The following ICA1 variants were observed in gnomAD, a reference collection of about 807,000 sequenced individuals.
The protein encoded by ICA1 is islet cell autoantigen 1, also known as 69 kDa islet cell autoantigen.
In ICA1, 40 loss-of-function variants were observed where a neutral mutation model predicts 71.0. The ratio of observed to expected loss-of-function variants is 0.56; its 90% CI spans 0.44 to 0.73. ICA1 has a LOEUF of 0.73. Ranked by LOEUF, ICA1 falls within the 30% of genes least tolerant of loss-of-function variation. The probability of loss-of-function intolerance (pLI) is 0.00; values close to 1 mark genes in which losing one functional copy is unlikely to be tolerated. For synonymous variants in ICA1, 207 were observed against 209.5 expected, an observed-to-expected ratio of 0.99 and a Z score of 0.10; for missense variants, 578 against 576.5, an observed-to-expected ratio of 1.00 and a Z score of -0.03.
At position 8,222,807 on chromosome 7, in the gene ICA1, C is replaced by T. The variant is rs117852853; in HGVS notation, c.257-1409G>A. The stretch of plus-strand genomic sequence containing the variant: ...GTGAAGCAATTGATCCCTATTTCTC[C>T]GGACAGCAGTGCTCTCTGGGCACCT... On this transcript the variant is annotated intron_variant, in intron 4 of 13. Coordinates refer to ENST00000402384, the MANE Select transcript of ICA1 (RefSeq NM_001136020.3). This position sits in a 1 kb window ranked among gnomAD's most constrained non-coding sequence, Gnocchi z 4.8. 3.8e-4 allele frequency among the ~76,000 whole-genome samples: 58 copies of T among 152,288 alleles called. No individual in the cohort carries two copies. The East Asian group carries it at 0.011, about 28-fold the overall frequency.
At position 8,157,208 on chromosome 7, in the gene ICA1, G is replaced by C. The variant is rs1487937381; in HGVS notation, c.712C>G (p.Leu238Val). ...GAAGTTTTCTCCCAAAAATGAAGCAGAGTGGTCTGCAAAGAAAGACAGTAA... is the reference window on the plus strand; with the variant it reads ...GAAGTTTTCTCCCAAAAATGAAGCACAGTGGTCTGCAAAGAAAGACAGTAA... ...SHMLATYQTT[L>V]LHFWEKTSHT... Residue 238 changes from leucine (L) to valine (V), a missense_variant, in exon 8 of 14, where the codon CTG (leucine) becomes GTG (valine). Leu to Val is a conservative substitution (Grantham distance 32). Transcript: ENST00000402384. The C allele has an allele frequency of 6.2e-7, 1 of 1,603,326 alleles. No individual in the cohort carries two copies. Among genetic ancestry groups the C allele is most frequent in the Non-Finnish European group, 8.5e-7 (1 of 1,176,664 alleles).
At chr7:8,241,918 A>T (rs1804061541) in intron 1 of ICA1, among the ~76,000 whole-genome samples, 2 of 152,240 alleles carry the variant, frequency 1.3e-5, no homozygotes, top group Non-Finnish European at 2.9e-5. Flanking sequence ...TCATAAAGCA[A>T]ATCCTTCAAG....
intron 6 of ICA1, among the ~76,000 whole-genome samples, chr7:8,191,892 G>C (rs2128300262): frequency 6.6e-6 from 1 of 152,034 alleles, no homozygotes; most frequent in Non-Finnish European, 1.5e-5. Context: ...CAGACTTCTA[G>C]AAAAGTTGCA....
At chr7:8,159,108 C>A (rs1280676698) in intron 6 of ICA1, among the ~76,000 whole-genome samples, 1 of 152,184 alleles carries the variant, frequency 6.6e-6, no homozygotes, top group African/African-American at 2.4e-5. Flanking sequence ...TACAGTGATA[C>A]AATCCTATTT....
chr7:8,181,732 G>T (rs1472324855), intron 6 of ICA1, among the ~76,000 whole-genome samples: 1 of 152,126 alleles, frequency 6.6e-6, no homozygotes. Flanking sequence ...GTTTTTAAAC[G>T]TGGCTCAGAA....
At chr7:8,203,922 C>T (rs1009766120) in intron 6 of ICA1, among the ~76,000 whole-genome samples, 12 of 152,064 alleles carry the variant, frequency 7.9e-5, no homozygotes, top group African/African-American at 2.2e-4. Context: ...AGGATTCAGG[C>T]GCCAGACAGA....
intron 6 of ICA1, among the ~76,000 whole-genome samples, chr7:8,168,193 A>G (rs1317375523): frequency 6.6e-6 from 1 of 152,158 alleles, no homozygotes; most frequent in Non-Finnish European, 1.5e-5. Flanking sequence ...GATAGCACAG[A>G]CACAGGCTGC....
At chr7:8,214,636 T>C (rs1172972760) in intron 6 of ICA1, among the ~76,000 whole-genome samples, 1 of 152,230 alleles carries the variant, frequency 6.6e-6, no homozygotes, top group Non-Finnish European at 1.5e-5. Context: ...CACCTCTTTG[T>C]ATTTCCACCC....
intron 13 of ICA1, 92 bp from the exon 14 acceptor site, chr7:8,114,136 T>C: frequency 7.3e-7 from 1 of 1,363,650 alleles, no homozygotes. Flanking sequence ...CATCTTCAAA[T>C]GCAGATTGTT....
At chr7:8,218,151 T>C (rs182243620) in intron 6 of ICA1, among the ~76,000 whole-genome samples, 154 bp downstream of exon 6, 3 of 152,218 alleles carry the variant, frequency 2.0e-5, no homozygotes, top group Non-Finnish European at 4.4e-5. Flanking sequence ...ATGTATCACA[T>C]TAATTGGTAT....
chr7:8,209,180 T>G lies in ICA1; in HGVS notation c.579+9125A>C, dbSNP rs80328065. Among the ~76,000 whole-genome samples the G allele has an allele frequency of 4.9e-3, 751 of 152,292 alleles. 5 individuals carry two copies. Among genetic ancestry groups the G allele is most frequent in the African/African-American group, 0.017 (720 of 41,564 alleles). ...CAGAGTCCACTCTGAAACTCGAGAGTTAAGCAAGCTTTTCCCTTAAACAAT... is the reference window on the plus strand; with the variant it reads ...CAGAGTCCACTCTGAAACTCGAGAGGTAAGCAAGCTTTTCCCTTAAACAAT... On this transcript the variant is annotated intron_variant, in intron 6 of 13. Transcript: ENST00000402384.
At chr7:8,154,567 A>G (rs1002249020) in intron 8 of ICA1, among the ~76,000 whole-genome samples, 1 of 152,214 alleles carries the variant, frequency 6.6e-6, no homozygotes, top group African/African-American at 2.4e-5. Flanking sequence ...CAGAGTCCCA[A>G]AAGGCATTTC....
At chr7:8,115,904 G>A (rs1450475875) in intron 13 of ICA1, among the ~76,000 whole-genome samples, 1 of 152,196 alleles carries the variant, frequency 6.6e-6, no homozygotes, top group East Asian at 1.9e-4. Flanking sequence ...ATTTGGTGGT[G>A]GCAATGGTAT....
At chr7:8,176,443 G>A (rs1019134513) in intron 6 of ICA1, among the ~76,000 whole-genome samples, 4 of 152,160 alleles carry the variant, frequency 2.6e-5, no homozygotes, top group Admixed American at 6.5e-5. Context: ...CTTTGCAGAC[G>A]CCCTTATGAG....
chr7:8,255,901 G>A (rs190769044), intron 1 of ICA1, among the ~76,000 whole-genome samples: 6 of 150,724 alleles, frequency 4.0e-5, no homozygotes, highest in Admixed American at 2.7e-4. Context: ...AGCCTACCAA[G>A]TAGCTGGGAC....
chr7:8,158,584 C>T lies in ICA1; in HGVS notation c.648G>A (p.Val216=), dbSNP rs1253789069. Reference sequence around the variant, plus strand: ...TGCATCTGCTCGCTCCAAGAAGATCCACTTTTTGACAAACATCCATCTTCA... The same window carrying T: ...TGCATCTGCTCGCTCCAAGAAGATCTACTTTTTGACAAACATCCATCTTCA... ...DKLKMDVCQK[V]DLLGASRCNL... The change falls in exon 7 of 14, where the codon GTG becomes GTA. Residue 216 remains valine (V), a synonymous_variant. Transcript: ENST00000402384. 6.2e-7 allele frequency: 1 copy of T among 1,614,082 alleles called. No homozygotes were observed. Among genetic ancestry groups the T allele is most frequent in the South Asian group, 1.1e-5 (1 of 91,082 alleles).
chr7:8,121,885 C>T (rs1255437139), intron 13 of ICA1, among the ~76,000 whole-genome samples: 1 of 152,172 alleles, frequency 6.6e-6, no homozygotes, highest in South Asian at 2.1e-4. Context: ...ATACATACGT[C>T]TACTAGTCCC....
chr7:8,218,560 C>T (rs1442481981), intron 5 of ICA1, 57 bp from the exon 6 acceptor site: 1 of 1,410,168 alleles, frequency 7.1e-7, no homozygotes, highest in African/African-American at 1.4e-5. Context: ...AATTTAAATC[C>T]TTGACATTCT....
chr7:8,196,146 C>A (rs1457397610), intron 6 of ICA1, among the ~76,000 whole-genome samples: 4 of 152,144 alleles, frequency 2.6e-5, no homozygotes, highest in Non-Finnish European at 4.4e-5. Flanking sequence ...AACTGTGATA[C>A]ATCCAGACAA....
Sources: allele counts gnomAD v4.1 joint callset (sites outside exome capture counted in the v4.1 genomes callset), GRCh38; gene constraint gnomAD v4.1.1; non-coding constraint Gnocchi (gnomAD v3.1); transcripts MANE v1.5; gene names NCBI Gene and HGNC (gene_info 2026-07-23, HGNC 2026-07-21).